The following VPS13B variants were observed in gnomAD, a reference collection of about 807,000 sequenced individuals.
VPS13B encodes vacuolar protein sorting 13 homolog B, also known as intermembrane lipid transfer protein VPS13B.
In VPS13B, 285 loss-of-function variants were observed where a neutral mutation model predicts 426.4. The ratio of observed to expected loss-of-function variants is 0.67; its 90% CI spans 0.61 to 0.74. The LOEUF is 0.74. Among genes scored for constraint, VPS13B ranks in the 30% least tolerant of loss-of-function variants. The pLI is 0.00. For missense variants in VPS13B, 4,537 were observed against 4,782.6 expected (o/e 0.95, Z 1.51); for synonymous variants, 1,676 against 1,676.4 (o/e 1.00, Z 0.01).
At chr8:99,088,462 CAG>C (rs1013958517) in intron 3 of VPS13B, among the ~76,000 whole-genome samples, 8 of 152,118 alleles carry the variant, frequency 5.3e-5, no homozygotes, top group African/African-American at 1.7e-4. Flanking sequence ...GAATAAAGGA[CAG>C]AGGATTTTGG....
At chr8:99,865,505 G>C (rs745488951) in intron 58 of VPS13B, among the ~76,000 whole-genome samples, 2 of 152,216 alleles carry the variant, frequency 1.3e-5, no homozygotes, top group Non-Finnish European at 2.9e-5. Flanking sequence ...GGTGAAATCA[G>C]AAAAGTCCCC....
At chr8:99,462,037 C>T (rs1449860789) in intron 23 of VPS13B, among the ~76,000 whole-genome samples, 2 of 152,172 alleles carry the variant, frequency 1.3e-5, no homozygotes, top group Admixed American at 6.5e-5. Context: ...CTTTATACTG[C>T]TGCCAATGCT....
At chr8:99,222,182 T>G (rs529902295) in intron 17 of VPS13B, among the ~76,000 whole-genome samples, 6 of 152,334 alleles carry the variant, frequency 3.9e-5, no homozygotes, top group Middle Eastern at 3.4e-3. Flanking sequence ...AGTGAAACAC[T>G]GATTTGCTTA....
intron 21 of VPS13B, among the ~76,000 whole-genome samples, chr8:99,400,157 C>G (rs1313823988): frequency 2.6e-5 from 4 of 152,108 alleles, no homozygotes; most frequent in Non-Finnish European, 5.9e-5. Context: ...TGAAAAATTG[C>G]TTCTACTTCT....
chr8:99,280,058 C>T (rs1038155405), intron 19 of VPS13B, among the ~76,000 whole-genome samples: 5 of 152,180 alleles, frequency 3.3e-5, no homozygotes, highest in African/African-American at 1.2e-4. Context: ...CGTAAGCCAT[C>T]GCACCAGGCC....
intron 36 of VPS13B, among the ~76,000 whole-genome samples, chr8:99,711,447 G>T (rs548893540): frequency 6.6e-6 from 1 of 152,102 alleles, no homozygotes; most frequent in African/African-American, 2.4e-5. Context: ...AATTCTCAGT[G>T]TCATTTGTGT....
At chr8:99,581,270 C>A (rs1306395068) in intron 33 of VPS13B, among the ~76,000 whole-genome samples, 3 of 152,006 alleles carry the variant, frequency 2.0e-5, no homozygotes, top group Non-Finnish European at 4.4e-5. Flanking sequence ...ATGCACATAT[C>A]TTTGAAACTA....
intron 29 of VPS13B, among the ~76,000 whole-genome samples, chr8:99,513,016 A>G (rs973161376): frequency 2.3e-4 from 32 of 140,204 alleles, no homozygotes; most frequent in Middle Eastern, 3.8e-3. Flanking sequence ...CTCAAGTGGG[A>G]AAAAAAAAAA....
In VPS13B at chr8:99,725,828, A is replaced by G. The variant is rs953836787; in HGVS notation, c.7050+4781A>G. ...CAGTCTAATGTCATTACATTACTCA[A>G]CCTCTTTGTGATATCATTGAATAGT... is the stretch of plus-strand genomic sequence containing the variant. On this transcript the variant is annotated intron_variant, in intron 39 of 61. Coordinates refer to ENST00000357162, the MANE Select transcript of VPS13B (RefSeq NM_152564.5). Among the ~76,000 whole-genome samples, 12 of 152,122 alleles carry G rather than the reference A, an allele frequency of 7.9e-5. No individual in the cohort carries two copies. In the East Asian group the frequency reaches 9.6e-4, roughly 12 times the overall value.
chr8:99,805,404 CAT>C (rs1434484544), intron 43 of VPS13B, among the ~76,000 whole-genome samples: 2 of 152,110 alleles, frequency 1.3e-5, no homozygotes, highest in African/African-American at 4.8e-5. Flanking sequence ...TGCAGTTTAA[CAT>C]TTTTTATTTA....
At chr8:99,730,609 G>C (rs1753518563) in intron 39 of VPS13B, among the ~76,000 whole-genome samples, 1 of 152,068 alleles carries the variant, frequency 6.6e-6, no homozygotes, top group Non-Finnish European at 1.5e-5. Flanking sequence ...GAAAGGACCT[G>C]GGCTAAATGC....
intron 17 of VPS13B, among the ~76,000 whole-genome samples, chr8:99,255,027 C>T (rs1401504466): frequency 6.6e-6 from 1 of 152,020 alleles, no homozygotes; most frequent in African/African-American, 2.4e-5. Flanking sequence ...CTCATAGGTC[C>T]TTAAGACTCT....
At position 99,832,364 on chromosome 8, in the gene VPS13B, T is replaced by TTA; in HGVS notation, c.9331-4_9331-3insAT. On this transcript the variant is annotated splice_region_variant and splice_polypyrimidine_tract_variant and intron_variant, in intron 51 of 61. Coordinates refer to ENST00000357162, the MANE Select transcript of VPS13B (RefSeq NM_152564.5). ...GCATTTTTTTTTTTTTTTTTTTTTTTTTAGTATTTTCGTGTTCCAGACAGT... is the reference window on the plus strand; with the variant it reads ...GCATTTTTTTTTTTTTTTTTTTTTTTTATTAGTATTTTCGTGTTCCAGACAGT... 2 of 1,498,180 alleles carry TTA rather than the reference T, an allele frequency of 1.3e-6. No individual in the cohort carries two copies. Among genetic ancestry groups the TTA allele is most frequent in the Non-Finnish European group, 1.8e-6 (2 of 1,132,676 alleles). The allele number at this position is 1,498,180 out of a possible 1,614,324, so 92.8% of individuals were successfully genotyped here. A position where few individuals can be genotyped will look rare whatever the true frequency, so the allele number is the denominator to read the frequency against.
At chr8:99,410,216 C>T (rs1815558011) in intron 21 of VPS13B, among the ~76,000 whole-genome samples, 1 of 152,188 alleles carries the variant, frequency 6.6e-6, no homozygotes, top group African/African-American at 2.4e-5. Flanking sequence ...ACAGTTTTCA[C>T]TATCTCTTGG....
intron 25 of VPS13B, among the ~76,000 whole-genome samples, chr8:99,487,973 GTT>G (rs757559171): frequency 4.3e-4 from 65 of 152,232 alleles, no homozygotes; most frequent in Admixed American, 6.5e-4. Flanking sequence ...TTGTATGCAT[GTT>G]ATATGACTTG....
At chr8:99,061,546 ATTTTTGTTC>A (rs758728210) in intron 3 of VPS13B, among the ~76,000 whole-genome samples, 24 of 145,356 alleles carry the variant, frequency 1.7e-4, no homozygotes, top group Non-Finnish European at 2.7e-4. Flanking sequence ...GTCCCATCTG[ATTTTTGTTC>A]CTTTTTTTCT....
At chr8:99,522,375 A>T (rs1822417240) in intron 30 of VPS13B, among the ~76,000 whole-genome samples, 1 of 152,152 alleles carries the variant, frequency 6.6e-6, no homozygotes, top group Non-Finnish European at 1.5e-5. Flanking sequence ...AACCACTGAG[A>T]TAATTCCTTT....
intron 35 of VPS13B, among the ~76,000 whole-genome samples, chr8:99,672,838 A>G (rs1025953342): frequency 6.6e-6 from 1 of 151,802 alleles, no homozygotes; most frequent in African/African-American, 2.4e-5. Flanking sequence ...ATTTTTTGAG[A>G]GTTCTTATCA....
chr8:99,537,415 T>C (rs1217264898), intron 30 of VPS13B, among the ~76,000 whole-genome samples: 1 of 152,202 alleles, frequency 6.6e-6, no homozygotes, highest in Non-Finnish European at 1.5e-5. Flanking sequence ...ATAACATTTA[T>C]AGGTGAATTT....
Sources: allele counts gnomAD v4.1 joint callset (sites outside exome capture counted in the v4.1 genomes callset), GRCh38; gene constraint gnomAD v4.1.1; transcripts MANE v1.5; gene names NCBI Gene and HGNC (gene_info 2026-07-23, HGNC 2026-07-21).